Variants in MAPRE2 observed in about 807,000 individuals in gnomAD.
MAPRE2 encodes the protein microtubule-associated protein RP/EB family member 2.
A neutral mutation model predicts 43.2 loss-of-function variants in MAPRE2; 13 were observed. The ratio of observed to expected loss-of-function variants is 0.30; its 90% CI spans 0.20 to 0.48. The LOEUF (loss-of-function observed/expected upper bound fraction) is 0.48, where lower values mean the gene tolerates loss of function less well. Among genes scored for constraint, MAPRE2 ranks in the 20% least tolerant of loss-of-function variants. The pLI is 0.99. For synonymous variants in MAPRE2, 135 were observed against 148.8 expected (o/e 0.91, Z 0.68); for missense variants, 161 against 400.2 (o/e 0.40, Z 5.10).
chr18:35,084,739 T>C (rs1208811307), intron 2 of MAPRE2, among the ~76,000 whole-genome samples: 1 of 152,256 alleles, frequency 6.6e-6, no homozygotes, highest in Non-Finnish European at 1.5e-5. Context: ...GTTTGAAAGC[T>C]ACTTGTCTTT....
At chr18:34,994,709 T>G (rs2097025610) in intron 1 of MAPRE2, among the ~76,000 whole-genome samples, 2 of 152,184 alleles carry the variant, frequency 1.3e-5, no homozygotes, top group African/African-American at 4.8e-5. Context: ...AATGATAAAT[T>G]TAATAAGTAT....
intron 1 of MAPRE2, among the ~76,000 whole-genome samples, chr18:35,048,775 G>A (rs1352378675): frequency 1.3e-5 from 2 of 149,768 alleles, no homozygotes; most frequent in South Asian, 2.1e-4. Context: ...TATATAGTAT[G>A]TGTTAATACT....
At chr18:35,003,777 T>G (rs910953122) in intron 1 of MAPRE2, among the ~76,000 whole-genome samples, 1 of 152,170 alleles carries the variant, frequency 6.6e-6, no homozygotes, top group South Asian at 2.1e-4. Context: ...TTCTGGAAAA[T>G]TGAAGGACTT....
chr18:35,021,419 G>T (rs1393137105), intron 2 of MAPRE2, among the ~76,000 whole-genome samples: 1 of 151,760 alleles, frequency 6.6e-6, no homozygotes, highest in Non-Finnish European at 1.5e-5. Context: ...AGATGGAAAG[G>T]GCATAGGATT....
chr18:35,015,582 A>C (rs565805898), intron 2 of MAPRE2, among the ~76,000 whole-genome samples: 1 of 151,128 alleles, frequency 6.6e-6, no homozygotes. Flanking sequence ...TTTTCCTTCT[A>C]GTCCTCATTC....
At chr18:35,001,540 T>C (rs1471833314) in intron 1 of MAPRE2, among the ~76,000 whole-genome samples, 1 of 150,042 alleles carries the variant, frequency 6.7e-6, no homozygotes, top group Non-Finnish European at 1.5e-5. Flanking sequence ...AGATACGTGA[T>C]GTATCAAGCT....
intron 1 of MAPRE2, among the ~76,000 whole-genome samples, chr18:35,000,173 A>C (rs1386406354): frequency 6.6e-6 from 1 of 152,140 alleles, no homozygotes; most frequent in African/African-American, 2.4e-5. Context: ...TGGAGATCCA[A>C]AGACAGCTTA....
At position 35,064,833 on chromosome 18, in the gene MAPRE2, G is replaced by A. The variant is rs148341677; in HGVS notation, c.123-5362G>A. Among the ~76,000 whole-genome samples, 26 of 151,264 alleles carry A rather than the reference G, an allele frequency of 1.7e-4. No individual in the cohort carries two copies. In the East Asian group the frequency reaches 4.5e-3, roughly 26 times the overall value. The stretch of plus-strand genomic sequence containing the variant: ...CAAATACTGAATAAAGGATGAAACT[G>A]AGCAAAATCTACACATTGGCCCTCA... On this transcript the variant is annotated intron_variant, in intron 1 of 6. Coordinates refer to ENST00000300249, the MANE Select transcript of MAPRE2 (RefSeq NM_014268.4).
At chr18:35,059,666 G>A (rs1440921085) in intron 1 of MAPRE2, among the ~76,000 whole-genome samples, 2 of 152,178 alleles carry the variant, frequency 1.3e-5, no homozygotes, top group Non-Finnish European at 2.9e-5. Flanking sequence ...AGAGATGTGG[G>A]AGTAACTGGA....
chr18:35,045,533 G>T (rs920652103), intron 1 of MAPRE2, among the ~76,000 whole-genome samples: 3 of 152,180 alleles, frequency 2.0e-5, no homozygotes, highest in African/African-American at 7.2e-5. Flanking sequence ...ATAACATCCA[G>T]CTTTGCCAGT....
rs190620124 is a variant in MAPRE2, at chr18:35,075,880, T to C, written c.250+5558T>C. 2.9e-3 allele frequency among the ~76,000 whole-genome samples: 446 copies of C among 152,206 alleles called. 2 individuals carry two copies. Among genetic ancestry groups the C allele is most frequent in the Non-Finnish European group, 3.8e-3 (260 of 68,024 alleles). ...GCACTGGTTGAAAGGGAGTTTATTT[T>C]TGGAGCAGGATAGATAATACAGTAG... On this transcript the variant is annotated intron_variant, in intron 2 of 6. Transcript: ENST00000300249.
chr18:34,996,179 A>T (rs2097026417), intron 1 of MAPRE2, among the ~76,000 whole-genome samples: 1 of 152,048 alleles, frequency 6.6e-6, no homozygotes, highest in Admixed American at 6.6e-5. Flanking sequence ...CAGCCCTGTG[A>T]TATGATTATT....
At chr18:35,077,266 CACACAT>C (rs368398730) in intron 2 of MAPRE2, among the ~76,000 whole-genome samples, 10,361 of 107,098 alleles carry the variant, frequency 0.097, 441 homozygotes, top group East Asian at 0.28. Context: ...CACACACACA[CACACAT>C]ACACACACAC....
At chr18:35,138,521 T>A (rs1486051823) in intron 6 of MAPRE2, among the ~76,000 whole-genome samples, 4 of 152,136 alleles carry the variant, frequency 2.6e-5, no homozygotes, top group East Asian at 3.8e-4. Flanking sequence ...GTTACTTTTT[T>A]AAAAAAATTA....
In MAPRE2 at chr18:35,041,446, G is replaced by T; in HGVS notation, c.-94G>T. 5 of 1,600,226 alleles carry T rather than the reference G, an allele frequency of 3.1e-6. No individual in the cohort carries two copies. In the East Asian group the frequency reaches 8.9e-5, roughly 29 times the overall value. ...AGTGAGCGAGCAGGCGGCAGGCACG[G>T]TCCGTGCGGAGCAGGCGAGCGAGCG... On this transcript the variant is annotated 5_prime_UTR_variant, in exon 1 of 7. Transcript: ENST00000300249.
intron 2 of MAPRE2, among the ~76,000 whole-genome samples, chr18:35,093,757 C>T (rs796944174): frequency 2.0e-5 from 3 of 152,056 alleles, no homozygotes; most frequent in African/African-American, 7.2e-5. Context: ...TTTCCAGAGA[C>T]TGGAAAGGGG....
intron 2 of MAPRE2, among the ~76,000 whole-genome samples, chr18:35,011,802 G>A (rs1332827320): frequency 1.3e-5 from 2 of 152,132 alleles, no homozygotes; most frequent in African/African-American, 2.4e-5. Context: ...GAAGGAAGAC[G>A]TCAAGGAGTT....
intron 1 of MAPRE2, among the ~76,000 whole-genome samples, chr18:35,066,001 A>G (rs1906822558): frequency 6.6e-6 from 1 of 152,246 alleles, no homozygotes; most frequent in Non-Finnish European, 1.5e-5. Context: ...CAAGTCACCT[A>G]AGAATAAACT....
At chr18:34,981,553 C>A (rs1359246670) in intron 1 of MAPRE2, among the ~76,000 whole-genome samples, 1 of 152,148 alleles carries the variant, frequency 6.6e-6, no homozygotes, top group Non-Finnish European at 1.5e-5. Flanking sequence ...ACGAGAACCA[C>A]CCAGTCTTAT....
Sources: allele counts gnomAD v4.1 joint callset (sites outside exome capture counted in the v4.1 genomes callset), GRCh38; gene constraint gnomAD v4.1.1; transcripts MANE v1.5; gene names NCBI Gene and HGNC (gene_info 2026-07-23, HGNC 2026-07-21).